The following PCDHGA2 variants were observed in gnomAD, a reference collection of about 807,000 sequenced individuals.
PCDHGA2 encodes protocadherin gamma subfamily A, 2.
In PCDHGA2, 40 loss-of-function variants were observed where a neutral mutation model predicts 59.2. The ratio of observed to expected loss-of-function variants is 0.68; its 90% confidence interval spans 0.52 to 0.88. The LOEUF (loss-of-function observed/expected upper bound fraction) is 0.88, where lower values mean the gene tolerates loss of function less well. Ranked by LOEUF, PCDHGA2 falls within the 40% of genes least tolerant of loss-of-function variation. The pLI, the probability that PCDHGA2 is intolerant of heterozygous loss-of-function variation, is 0.00. For synonymous variants in PCDHGA2, 560 were observed against 526.0 expected, an observed-to-expected ratio of 1.06 and a Z score of -0.89; for missense variants, 1,226 against 1,204.0, an observed-to-expected ratio of 1.02 and a Z score of -0.27.
chr5:141,487,684 C>G lies in PCDHGA2; in HGVS notation c.2425-7123C>G. On this transcript the variant is annotated intron_variant, in intron 1 of 3. Coordinates refer to ENST00000394576, the MANE Select transcript of PCDHGA2 (RefSeq NM_018915.4). The surrounding 1 kb of genome is among the most constrained non-coding windows in gnomAD (Gnocchi z 5.0). ...ATCCAGGCATATGGCTAGGCCATGT[C>G]CTAGAGAGTACTGGCCTCTCAGTAA... is the stretch of plus-strand genomic sequence containing the variant. The G allele has an allele frequency of 6.2e-7, 1 of 1,607,562 alleles. No individual in the cohort carries two copies. Among genetic ancestry groups the G allele is most frequent in the East Asian group, 2.2e-5 (1 of 44,768 alleles).
At chr5:141,401,532 A>G (rs1461153273) in intron 1 of PCDHGA2, among the ~76,000 whole-genome samples, 2 of 152,260 alleles carry the variant, frequency 1.3e-5, no homozygotes, top group Non-Finnish European at 2.9e-5. Context: ...GAAGAAACTT[A>G]CAAAAAAAAG....
At chr5:141,352,860 C>T (rs1463633504) in intron 1 of PCDHGA2, among the ~76,000 whole-genome samples, 2 of 152,054 alleles carry the variant, frequency 1.3e-5, no homozygotes, top group African/African-American at 2.4e-5. Context: ...TGGTGGCACG[C>T]GCCTGTAGTC....
intron 1 of PCDHGA2, chr5:141,422,543 T>A: frequency 3.1e-6 from 5 of 1,614,000 alleles, no homozygotes; most frequent in Non-Finnish European, 4.2e-6. Flanking sequence ...GAAACTCATG[T>A]CTGGCTGAAT....
At position 141,486,392 on chromosome 5, in the gene PCDHGA2, C is replaced by T; in HGVS notation, c.2425-8415C>T. ...GTCTGCCTTCAGGAACCAGTTCTCC[C>T]TGGTGACTGCTGGACCCTTGGATCG... On this transcript the variant is annotated intron_variant, in intron 1 of 3. Coordinates refer to ENST00000394576, the MANE Select transcript of PCDHGA2 (RefSeq NM_018915.4). The surrounding 1 kb of genome is among the most constrained non-coding windows in gnomAD (Gnocchi z 5.0). 1 of 1,614,170 alleles carries T rather than the reference C, an allele frequency of 6.2e-7. No individual in the cohort carries two copies. Among genetic ancestry groups the T allele is most frequent in the Non-Finnish European group, 8.5e-7 (1 of 1,180,014 alleles).
chr5:141,483,456 G>T (rs2099581503), intron 1 of PCDHGA2, among the ~76,000 whole-genome samples: 1 of 152,180 alleles, frequency 6.6e-6, no homozygotes, highest in Admixed American at 6.5e-5. Context: ...ATCAGGACTT[G>T]TTGATTGACA....
chr5:141,360,423 C>T, intron 1 of PCDHGA2: 1 of 1,613,908 alleles, frequency 6.2e-7, no homozygotes, highest in Non-Finnish European at 8.5e-7. Flanking sequence ...AACAGATATG[C>T]GGGAAGCAGC....
At chr5:141,461,291 C>A (rs892436619) in intron 1 of PCDHGA2, among the ~76,000 whole-genome samples, 1 of 152,128 alleles carries the variant, frequency 6.6e-6, no homozygotes, top group African/African-American at 2.4e-5. Flanking sequence ...CACATCCACA[C>A]CAACATCTAT....
rs780024608 is a variant in PCDHGA2, at chr5:141,376,291, C to T, written c.2424+34896C>T. Reference sequence around the variant, plus strand: ...CGGGAGGTGGCTTAGCGAGCATGCCCGGCTCGCACTTTGTGGGCGTGGAAG... The same window carrying T: ...CGGGAGGTGGCTTAGCGAGCATGCCTGGCTCGCACTTTGTGGGCGTGGAAG... On this transcript the variant is annotated intron_variant, in intron 1 of 3. Coordinates refer to ENST00000394576, the MANE Select transcript of PCDHGA2 (RefSeq NM_018915.4). 8 of 1,614,158 alleles carry T rather than the reference C, an allele frequency of 5.0e-6. No homozygotes were observed. The East Asian group carries it at 6.7e-5, about 13-fold the overall frequency.
At chr5:141,468,774 G>A (rs1229480462) in intron 1 of PCDHGA2, among the ~76,000 whole-genome samples, 4 of 152,028 alleles carry the variant, frequency 2.6e-5, no homozygotes, top group Non-Finnish European at 4.4e-5. Flanking sequence ...GCTGAGGCAG[G>A]AGAATGGCGT....
Position 141,345,651 on chromosome 5 carries a change from C to T in PCDHGA2, c.2424+4256C>T, listed in dbSNP as rs202221760. ...GGTGACAGCCAGCGACAGCGGGAAC[C>T]CTCCACTCAGCAGCAACGTGTCGCT... is the stretch of plus-strand genomic sequence containing the variant. On this transcript the variant is annotated intron_variant, in intron 1 of 3. Transcript: ENST00000394576. 1.7e-5 allele frequency: 27 copies of T among 1,614,094 alleles called. No individual in the cohort carries two copies. The African/African-American group carries it at 3.5e-4, about 21-fold the overall frequency.
At chr5:141,381,826 C>T (rs867772225) in intron 1 of PCDHGA2, among the ~76,000 whole-genome samples, 29 of 74,288 alleles carry the variant, frequency 3.9e-4, no homozygotes, top group Admixed American at 9.7e-4. Flanking sequence ...CTTTCTTCTT[C>T]TTTTTTTTTT....
chr5:141,435,718 G>T (rs2097776232), intron 1 of PCDHGA2, among the ~76,000 whole-genome samples: 1 of 152,150 alleles, frequency 6.6e-6, no homozygotes, highest in African/African-American at 2.4e-5. Context: ...GACACTGAAT[G>T]CTAAAGTGTA....
chr5:141,348,407 GA>G, intron 1 of PCDHGA2, among the ~76,000 whole-genome samples: 1 of 151,890 alleles, frequency 6.6e-6, no homozygotes, highest in East Asian at 1.9e-4. Context: ...TGTCTCAAAA[GA>G]AAAAGGCACG....
intron 1 of PCDHGA2, chr5:141,387,775 A>C (rs2091090328): frequency 6.9e-7 from 1 of 1,450,000 alleles, no homozygotes; most frequent in South Asian, 1.4e-5. Context: ...TTTTTTCTTG[A>C]ACTGGAACTG....
chr5:141,394,177 C>T (rs2092934633), intron 1 of PCDHGA2: 1 of 1,613,912 alleles, frequency 6.2e-7, no homozygotes, highest in East Asian at 2.2e-5. Context: ...TTCCCTCATG[C>T]CTCCTACTCA....
intron 1 of PCDHGA2, chr5:141,351,875 A>G (rs921093798): frequency 3.7e-6 from 6 of 1,613,296 alleles, no homozygotes; most frequent in Non-Finnish European, 5.1e-6. Flanking sequence ...CCCCGCGCTC[A>G]GCGCCAACGT....
rs2099883795 is a variant in PCDHGA2 at position 141,511,444 on chromosome 5, A to C, written c.*271A>C. 3.0e-6 allele frequency: 2 copies of C among 665,362 alleles called. No individual in the cohort carries two copies. The highest frequency in any genetic ancestry group is 3.6e-5 in the African/African-American group (2 of 54,978). 41.2% of individuals were successfully genotyped at this position (665,362 alleles called of 1,614,324 possible). On this transcript the variant is annotated 3_prime_UTR_variant, in exon 4 of 4. Coordinates refer to ENST00000394576, the MANE Select transcript of PCDHGA2 (RefSeq NM_018915.4). ...GGGTAGTGGGGTTACTGTAGACACC[A>C]AGAACCATTTGCCACACCCCGTTTA...
intron 1 of PCDHGA2, chr5:141,398,707 C>G (rs1257471989): frequency 6.8e-6 from 11 of 1,613,742 alleles, no homozygotes; most frequent in African/African-American, 1.3e-5. Context: ...ATACCCGGAA[C>G]TGGCACTGGA....
chr5:141,351,139 T>C, intron 1 of PCDHGA2: 1 of 1,613,992 alleles, frequency 6.2e-7, no homozygotes, highest in Non-Finnish European at 8.5e-7. Flanking sequence ...TCAATCCAAA[T>C]ACTGGCGACA....
Sources: allele counts gnomAD v4.1 joint callset (sites outside exome capture counted in the v4.1 genomes callset), GRCh38; gene constraint gnomAD v4.1.1; non-coding constraint Gnocchi (gnomAD v3.1); transcripts MANE v1.5; gene names NCBI Gene and HGNC (gene_info 2026-07-23, HGNC 2026-07-21).